Variants in FAM120A observed in about 807,000 individuals in gnomAD.
FAM120A encodes the protein constitutive coactivator of PPAR-gamma-like protein 1.
In FAM120A, 15 loss-of-function variants were observed where a neutral mutation model predicts 109.7. That is an observed-to-expected ratio of 0.14 (90% CI 0.09 to 0.21). FAM120A has a LOEUF of 0.21. FAM120A is among the 10% of genes least tolerant of loss of function. The pLI, the probability that FAM120A is intolerant of heterozygous loss-of-function variation, is 1.00. For missense variants in FAM120A, 899 were observed against 1,439.3 expected (o/e 0.62, Z 6.07); for synonymous variants, 493 against 572.8 (o/e 0.86, Z 1.99).
intron 1 of FAM120A, chr9:93,453,734 G>A: frequency 1.5e-6 from 1 of 685,926 alleles, no homozygotes; most frequent in Non-Finnish European, 1.8e-6. Context: ...GTGAGAGGAA[G>A]TGCCTGCCTT....
rs1861370694 is a variant in FAM120A, at chr9:93,532,608, C to T, written c.1909+279C>T. ...AAGTGAATGTTGATCTGAAAGCAGA[C>T]TTGAATTGCCGCCACTCTCTGTAAT... On this transcript the variant is annotated intron_variant, in intron 10 of 17. Transcript: ENST00000277165. The surrounding 1 kb of genome is among the most constrained non-coding windows in gnomAD (Gnocchi z 4.3). 2 of 393,000 alleles carry T rather than the reference C, an allele frequency of 5.1e-6. No homozygotes were observed. The highest frequency in any genetic ancestry group is 4.7e-6 in the Non-Finnish European group (1 of 211,052). The allele number at this position is 393,000 out of a possible 1,614,324, so 24.3% of individuals were successfully genotyped here.
At chr9:93,464,798 C>T (rs973219478) in intron 1 of FAM120A, among the ~76,000 whole-genome samples, 3 of 152,204 alleles carry the variant, frequency 2.0e-5, no homozygotes, top group African/African-American at 7.2e-5. Flanking sequence ...GATGACTTTA[C>T]CCCCTTTGAA....
At chr9:93,521,752 G>T (rs1860855245) in intron 7 of FAM120A, among the ~76,000 whole-genome samples, 1 of 151,814 alleles carries the variant, frequency 6.6e-6, no homozygotes, top group Non-Finnish European at 1.5e-5. Context: ...TCCCTTCCTG[G>T]TGCCTGTCAG....
chr9:93,511,143 A>G (rs917414844), intron 5 of FAM120A, among the ~76,000 whole-genome samples: 1 of 151,930 alleles, frequency 6.6e-6, no homozygotes, highest in African/African-American at 2.4e-5. Flanking sequence ...CGCTGTTCCG[A>G]ATTCTTTCAC....
chr9:93,564,135 A>C, intron 17 of FAM120A, 94 bp from the exon 18 acceptor site: 1 of 1,274,124 alleles, frequency 7.8e-7, no homozygotes. Flanking sequence ...CTGCTCTTGA[A>C]TCTGCAGAGA....
chr9:93,456,444 A>G (rs1857551569), intron 1 of FAM120A, among the ~76,000 whole-genome samples: 1 of 152,230 alleles, frequency 6.6e-6, no homozygotes, highest in East Asian at 1.9e-4. Context: ...ATGTGAGGTT[A>G]GACTATGGTT....
chr9:93,455,056 A>C (rs1857491024), intron 1 of FAM120A, among the ~76,000 whole-genome samples: 1 of 152,208 alleles, frequency 6.6e-6, no homozygotes, highest in Non-Finnish European at 1.5e-5. Context: ...TTCCTAATGA[A>C]GACTTTTGTT....
intron 3 of FAM120A, among the ~76,000 whole-genome samples, chr9:93,485,486 A>G (rs905549796): frequency 3.9e-5 from 6 of 152,168 alleles, no homozygotes; most frequent in South Asian, 4.1e-4. Context: ...AGTCCCAACT[A>G]CTTGACAGAC....
Position 93,559,625 on chromosome 9 carries a change from G to A in FAM120A, c.2806+907G>A, listed in dbSNP as rs146136261. ...TCCTCTGTCTGCCCACCAGCCTCCTGCAGTGTGCTACTCTGCTCTGTGACT... is the reference window on the plus strand; with the variant it reads ...TCCTCTGTCTGCCCACCAGCCTCCTACAGTGTGCTACTCTGCTCTGTGACT... On this transcript the variant is annotated intron_variant, in intron 15 of 17. Coordinates refer to ENST00000277165, the MANE Select transcript of FAM120A (RefSeq NM_014612.5). 1.3e-3 allele frequency among the ~76,000 whole-genome samples: 194 copies of A among 152,344 alleles called. 1 individual carries two copies. Among genetic ancestry groups the A allele is most frequent in the Non-Finnish European group, 2.4e-3 (166 of 68,034 alleles).
chr9:93,515,037 G>A (rs1336372959), intron 5 of FAM120A, among the ~76,000 whole-genome samples: 2 of 152,200 alleles, frequency 1.3e-5, no homozygotes, highest in Non-Finnish European at 2.9e-5. Flanking sequence ...CACACATCAG[G>A]CAGGTTTATG....
intron 7 of FAM120A, among the ~76,000 whole-genome samples, chr9:93,520,629 C>A (rs572640481): frequency 6.6e-6 from 1 of 152,214 alleles, no homozygotes; most frequent in South Asian, 2.1e-4. Flanking sequence ...TGCGAGCATG[C>A]GGGTGCTCTT....
chr9:93,505,085 G>A (rs1252826419), intron 5 of FAM120A, among the ~76,000 whole-genome samples: 3 of 114,870 alleles, frequency 2.6e-5, no homozygotes, highest in Non-Finnish European at 5.1e-5. Context: ...TTTTGAGAAG[G>A]AGTCTCGCTC....
In FAM120A at chr9:93,527,008, T is replaced by C. The variant is rs370196710; in HGVS notation, c.1419-147T>C. On this transcript the variant is annotated intron_variant, in intron 7 of 17. Transcript: ENST00000277165. ...TACCCTTTTGAAGCAGGAAGAAATA[T>C]TAGTATAATAGAGTTATTTCTCGAT... The C allele has an allele frequency of 2.4e-4, 152 of 632,816 alleles. 1 individual carries two copies. The South Asian group carries it at 2.7e-3, about 11-fold the overall frequency. The allele number at this position is 632,816 out of a possible 1,614,324, so 39.2% of individuals were successfully genotyped here.
chr9:93,521,038 A>T (rs999154610), intron 7 of FAM120A, among the ~76,000 whole-genome samples: 3 of 152,072 alleles, frequency 2.0e-5, no homozygotes, highest in Non-Finnish European at 4.4e-5. Flanking sequence ...GGGCTATGTT[A>T]CTCTTTTGAA....
chr9:93,455,940 C>T (rs1564302858), intron 1 of FAM120A, among the ~76,000 whole-genome samples: 1 of 152,122 alleles, frequency 6.6e-6, no homozygotes, highest in South Asian at 2.1e-4. Flanking sequence ...GGATTACGGG[C>T]GTGAGCCACT....
chr9:93,511,930 T>C (rs1226155229), intron 5 of FAM120A, among the ~76,000 whole-genome samples: 4 of 152,212 alleles, frequency 2.6e-5, no homozygotes, highest in Non-Finnish European at 5.9e-5. Context: ...TAGCTGGGGT[T>C]ATAGGCGCCT....
At chr9:93,460,685 C>T (rs116606128) in intron 1 of FAM120A, among the ~76,000 whole-genome samples, 191 of 152,240 alleles carry the variant, frequency 1.3e-3, no homozygotes, top group African/African-American at 4.5e-3. Context: ...TGATGAAGAC[C>T]TTGCCTGTTA....
chr9:93,566,048 G>C lies in FAM120A; in HGVS notation c.*1508G>C, dbSNP rs1862620708. 1 of 152,600 alleles carries C rather than the reference G, an allele frequency of 6.6e-6. No individual in the cohort carries two copies. The highest frequency in any genetic ancestry group is 6.5e-5 in the Admixed American group (1 of 15,284). 9.5% of individuals were successfully genotyped at this position (152,600 alleles called of 1,614,324 possible). ...GACTGTCGATGGATTGTGGTGTGGT[G>C]TATCTGAAGGCTATTGAATGCAACT... is the stretch of plus-strand genomic sequence containing the variant. On this transcript the variant is annotated 3_prime_UTR_variant, in exon 18 of 18. Coordinates refer to ENST00000277165, the MANE Select transcript of FAM120A (RefSeq NM_014612.5).
chr9:93,531,394 A>G (rs1861325800), intron 9 of FAM120A: 1 of 152,254 alleles, frequency 6.6e-6, no homozygotes. Context: ...ATTAAATAAA[A>G]TTTGTTGCAT....
Sources: gnomAD v4.1 joint callset for allele counts (sites outside exome capture counted in the v4.1 genomes callset) on GRCh38, gnomAD v4.1.1 for gene constraint, Gnocchi (gnomAD v3.1) non-coding constraint, MANE v1.5 for transcripts, NCBI Gene and HGNC (gene_info 2026-07-23, HGNC 2026-07-21) for gene names.